The following PDZRN3 variants were observed in gnomAD, a reference collection of about 807,000 sequenced individuals.
PDZRN3 encodes E3 ubiquitin-protein ligase PDZRN3.
Under a neutral mutation model 85.7 loss-of-function variants are expected in PDZRN3, and 38 were observed. The ratio of observed to expected loss-of-function variants is 0.44; its 90% CI spans 0.34 to 0.58. PDZRN3 has a LOEUF of 0.58. PDZRN3 is among the 20% of genes least tolerant of loss of function. PDZRN3 has a pLI of 0.01. For synonymous variants in PDZRN3, 759 were observed against 638.0 expected (o/e 1.19, Z -2.86); for missense variants, 1,629 against 1,506.4 (o/e 1.08, Z -1.35).
intron 3 of PDZRN3, among the ~76,000 whole-genome samples, chr3:73,486,139 G>T (rs1375792083): frequency 6.6e-6 from 1 of 152,214 alleles, no homozygotes; most frequent in Non-Finnish European, 1.5e-5. Context: ...AGACTGCATA[G>T]TGAAGGAAAC....
At position 73,624,217 on chromosome 3, in the gene PDZRN3, G is replaced by A. The variant is rs1702923601; in HGVS notation, c.609C>T (p.Ala203=). ...TCATCTGCAGCTCAAGCTGCGCCGCGGCCAGCTGGGCCACCAGCGACTTCT... is the reference window on the plus strand; with the variant it reads ...TCATCTGCAGCTCAAGCTGCGCCGCAGCCAGCTGGGCCACCAGCGACTTCT... ...KREKSLVAQL[A]AAQLELQMTA... The change falls in exon 1 of 10, where the codon GCC becomes GCT. Residue 203 remains alanine, a synonymous_variant. Coordinates refer to ENST00000263666, the MANE Select transcript of PDZRN3 (RefSeq NM_015009.3). 1.3e-6 allele frequency: 2 copies of A among 1,486,720 alleles called. No homozygotes were observed. Among genetic ancestry groups the A allele is most frequent in the Non-Finnish European group, 1.8e-6 (2 of 1,125,106 alleles). The allele number at this position is 1,486,720 out of a possible 1,614,324, so 92.1% of individuals were successfully genotyped here.
At chr3:73,419,677 C>A (rs1389898182) in intron 3 of PDZRN3, among the ~76,000 whole-genome samples, 1 of 152,116 alleles carries the variant, frequency 6.6e-6, no homozygotes, top group South Asian at 2.1e-4. Flanking sequence ...TTTCATCGTG[C>A]CTTACAGATG....
chr3:73,509,510 C>T (rs903041180), intron 3 of PDZRN3, among the ~76,000 whole-genome samples: 1 of 152,180 alleles, frequency 6.6e-6, no homozygotes, highest in African/African-American at 2.4e-5. Context: ...TGGCTCATGT[C>T]CCTTCTGGAT....
chr3:73,457,586 G>A (rs1464927639), intron 3 of PDZRN3, among the ~76,000 whole-genome samples: 1 of 152,050 alleles, frequency 6.6e-6, no homozygotes, highest in Non-Finnish European at 1.5e-5. Flanking sequence ...ATCTGGCCTG[G>A]TCCTGTTTCT....
chr3:73,547,230 T>C (rs1003825452), intron 3 of PDZRN3, among the ~76,000 whole-genome samples: 3 of 152,364 alleles, frequency 2.0e-5, no homozygotes, highest in African/African-American at 4.8e-5. Context: ...TTCATTTCTG[T>C]GGTTTTTCAG....
chr3:73,404,557 C>A, intron 3 of PDZRN3, 162 bp from the exon 4 acceptor site: 1 of 666,064 alleles, frequency 1.5e-6, no homozygotes, highest in Non-Finnish European at 2.5e-6. Flanking sequence ...CCGAAGAATG[C>A]CTGGTGGAAA....
At chr3:73,566,950 A>G (rs1167140848) in intron 3 of PDZRN3, among the ~76,000 whole-genome samples, 1 of 152,150 alleles carries the variant, frequency 6.6e-6, no homozygotes, top group African/African-American at 2.4e-5. Context: ...CAGCTCCTCT[A>G]CTCACTAACC....
At chr3:73,607,021 TC>T (rs1322735610) in intron 2 of PDZRN3, among the ~76,000 whole-genome samples, 3 of 152,250 alleles carry the variant, frequency 2.0e-5, no homozygotes, top group African/African-American at 7.2e-5. Flanking sequence ...TCCCTGCCCA[TC>T]CCTCAACTCT....
intron 1 of PDZRN3, among the ~76,000 whole-genome samples, chr3:73,616,980 T>G (rs908835181): frequency 1.3e-5 from 2 of 152,212 alleles, no homozygotes; most frequent in East Asian, 3.9e-4. Context: ...CAGGGCACCT[T>G]GGAGTCAGCC....
intron 3 of PDZRN3, among the ~76,000 whole-genome samples, chr3:73,446,330 G>A (rs964612346): frequency 6.6e-6 from 1 of 152,156 alleles, no homozygotes; most frequent in Non-Finnish European, 1.5e-5. Context: ...GCCAAGCCAT[G>A]CCACGATCCC....
At chr3:73,409,597 T>C (rs1701924612) in intron 3 of PDZRN3, among the ~76,000 whole-genome samples, 2 of 152,162 alleles carry the variant, frequency 1.3e-5, no homozygotes, top group South Asian at 2.1e-4. Flanking sequence ...GATGAATGCA[T>C]TATGGGTGGC....
rs548431230 is a variant in PDZRN3 at position 73,384,626 on chromosome 3, C to G, written c.1940G>C (p.Arg647Pro). The change falls in exon 10 of 10, where the codon CGC becomes CCC. Residue 647 changes from arginine to proline, a missense_variant. By Grantham distance (103) the Arg-to-Pro change is moderately radical. Coordinates refer to ENST00000263666, the MANE Select transcript of PDZRN3 (RefSeq NM_015009.3). ...CTGGCACTTGAGCTCCAGGAGCTCG[C>G]GGAAGCGCTCGCACTCGTCCACCGG... The part of the protein sequence containing the change: ...GIPVDECERF[R>P]ELLELKCQVK... 3 of 1,613,704 alleles carry G rather than the reference C, an allele frequency of 1.9e-6. No homozygotes were observed. Among genetic ancestry groups the G allele is most frequent in the Non-Finnish European group, 2.5e-6 (3 of 1,180,036 alleles).
At chr3:73,404,829 T>G (rs1701821919) in intron 3 of PDZRN3, among the ~76,000 whole-genome samples, 1 of 152,258 alleles carries the variant, frequency 6.6e-6, no homozygotes, top group Admixed American at 6.5e-5. Context: ...GGAAGTAATA[T>G]GAAGTTTCCT....
chr3:73,571,213 G>T (rs1204547519), intron 3 of PDZRN3, among the ~76,000 whole-genome samples: 1 of 152,108 alleles, frequency 6.6e-6, no homozygotes, highest in East Asian at 1.9e-4. Context: ...TACATGCCCT[G>T]GAGTGCTTTT....
At chr3:73,520,880 T>C (rs565014011) in intron 3 of PDZRN3, among the ~76,000 whole-genome samples, 1 of 152,136 alleles carries the variant, frequency 6.6e-6, no homozygotes, top group African/African-American at 2.4e-5. Context: ...GTAATACAAC[T>C]ACAAGCAAGG....
In PDZRN3 at chr3:73,610,938, A is replaced by C. The variant is rs374225056; in HGVS notation, c.724-2254T>G. ...ATAAAATGCTTTATTTCATTTTTTA[A>C]TCCAACCAATCTTAAAAATTGCACT... On this transcript the variant is annotated intron_variant, in intron 1 of 9. Transcript: ENST00000263666. Among the ~76,000 whole-genome samples the C allele has an allele frequency of 3.5e-4, 53 of 152,320 alleles. No individual in the cohort carries two copies. In the South Asian group the frequency reaches 0.011, roughly 30 times the overall value.
chr3:73,486,095 G>A (rs1162488054), intron 3 of PDZRN3, among the ~76,000 whole-genome samples: 7 of 152,194 alleles, frequency 4.6e-5, no homozygotes, highest in African/African-American at 1.7e-4. Flanking sequence ...GGATAAAGCT[G>A]ACAGGAAGCT....
chr3:73,484,340 T>C (rs1363998545), intron 3 of PDZRN3, among the ~76,000 whole-genome samples: 6 of 152,070 alleles, frequency 3.9e-5, no homozygotes, highest in Non-Finnish European at 5.9e-5. Context: ...CATGGGTGAT[T>C]TGGGAGTTGC....
At chr3:73,487,632 T>C (rs1703688747) in intron 3 of PDZRN3, among the ~76,000 whole-genome samples, 1 of 152,202 alleles carries the variant, frequency 6.6e-6, no homozygotes, top group South Asian at 2.1e-4. Flanking sequence ...TTTCTTTTTT[T>C]TCCCCCATAA....
Sources: allele counts gnomAD v4.1 joint callset (sites outside exome capture counted in the v4.1 genomes callset), GRCh38; gene constraint gnomAD v4.1.1; transcripts MANE v1.5; gene names NCBI Gene and HGNC (gene_info 2026-07-23, HGNC 2026-07-21).